DNTT: variants seen among roughly 807,000 people sequenced by gnomAD.
The protein encoded by DNTT is DNA nucleotidylexotransferase.
Under a neutral mutation model 60.9 loss-of-function variants are expected in DNTT, and 47 were observed. That is an observed-to-expected ratio of 0.77 (90% CI 0.61 to 0.98). The LOEUF is 0.98. Among genes scored for constraint, DNTT ranks in the 50% least tolerant of loss-of-function variants. The pLI, the probability that DNTT is intolerant of heterozygous loss-of-function variation, is 0.00. For missense variants in DNTT, 665 were observed against 627.5 expected, an observed-to-expected ratio of 1.06 and a Z score of -0.64; for synonymous variants, 224 against 221.2, an observed-to-expected ratio of 1.01 and a Z score of -0.11.
intron 8 of DNTT, among the ~76,000 whole-genome samples, chr10:96,331,221 C>T (rs1190511614): frequency 6.6e-6 from 1 of 152,188 alleles, no homozygotes; most frequent in Non-Finnish European, 1.5e-5. Context: ...AGTCATCTTG[C>T]CCCAAAGTTA....
chr10:96,316,898 G>A (rs933256111), intron 1 of DNTT, among the ~76,000 whole-genome samples: 8 of 151,860 alleles, frequency 5.3e-5, no homozygotes, highest in African/African-American at 1.7e-4. Flanking sequence ...TACCATCACC[G>A]CCACCACTAT....
intron 1 of DNTT, among the ~76,000 whole-genome samples, chr10:96,315,926 T>G (rs1264368398): frequency 6.6e-6 from 1 of 152,160 alleles, no homozygotes; most frequent in Non-Finnish European, 1.5e-5. Flanking sequence ...GTTATCCATC[T>G]TCCTTTAATT....
intron 10 of DNTT, 95 bp downstream of exon 10, chr10:96,336,069 G>A: frequency 8.2e-7 from 1 of 1,220,654 alleles, no homozygotes; most frequent in Non-Finnish European, 1.2e-6. Flanking sequence ...ATCCAGGTAT[G>A]GTTTCCTTTG....
At chr10:96,305,436 G>A (rs12774154) in intron 1 of DNTT, among the ~76,000 whole-genome samples, 15,747 of 152,140 alleles carry the variant, frequency 0.1, 886 homozygotes, top group South Asian at 0.15. Context: ...TCTAACTTCT[G>A]TGTAAGCTCT....
intron 9 of DNTT, among the ~76,000 whole-genome samples, chr10:96,334,352 C>T (rs767551653): frequency 2.6e-5 from 4 of 152,188 alleles, no homozygotes; most frequent in African/African-American, 9.7e-5. Flanking sequence ...CAAGCCAGCA[C>T]GTGGCCAGTA....
chr10:96,328,610 C>G, intron 7 of DNTT, 115 bp from the exon 8 acceptor site: 1 of 992,000 alleles, frequency 1.0e-6, no homozygotes, highest in Non-Finnish European at 1.5e-6. Context: ...AAAAAAAAGT[C>G]AAGAACCTTC....
At position 96,314,402 on chromosome 10, in the gene DNTT, C is replaced by CTTTTTT. The variant is rs869059822; in HGVS notation, c.204-3927_204-3922dup. Among the ~76,000 whole-genome samples, 86 of 53,220 alleles carry CTTTTTT rather than the reference C, an allele frequency of 1.6e-3. 18 individuals carry two copies. The highest frequency in any genetic ancestry group is 0.028 in the Middle Eastern group (1 of 36). The allele number at this position is 53,220 out of a possible 152,430, so 34.9% of individuals were successfully genotyped here. On this transcript the variant is annotated intron_variant, in intron 1 of 10. Coordinates refer to ENST00000371174, the MANE Select transcript of DNTT (RefSeq NM_004088.4). ...TAACATTTCCAAGGCTATCTCTTCC[C>CTTTTTT]TTTTTTTTTTTTTTTTTTTTTTTTT...
chr10:96,314,264 T>C (rs1443244014), intron 1 of DNTT, among the ~76,000 whole-genome samples: 1 of 152,070 alleles, frequency 6.6e-6, no homozygotes, highest in Non-Finnish European at 1.5e-5. Flanking sequence ...AGCAGCTCCC[T>C]CCTTTTCCAA....
intron 6 of DNTT, 103 bp from the exon 7 acceptor site, chr10:96,327,365 A>AGT: frequency 6.5e-7 from 1 of 1,528,128 alleles, no homozygotes; most frequent in Non-Finnish European, 9.0e-7. Context: ...TGATGCCTGT[A>AGT]GTCATGTTAG....
rs781345965 is a variant in DNTT at position 96,328,792 on chromosome 10, C to G, written c.1075C>G (p.Gln359Glu). 2.5e-6 allele frequency: 4 copies of G among 1,613,590 alleles called. No individual in the cohort carries two copies. Among genetic ancestry groups the G allele is most frequent in the Non-Finnish European group, 3.4e-6 (4 of 1,179,798 alleles). The change falls in exon 8 of 11, where the codon CAA becomes GAA. Residue 359 changes from glutamine (Q) to glutamate (E), a missense_variant. Coordinates refer to ENST00000371174, the MANE Select transcript of DNTT (RefSeq NM_004088.4). ...TSPGSTEDEE[Q>E]LLQKVMNLWE... ...CCCAGGATCAACAGAGGATGAAGAGCAACTTTTACAGAAAGTGATGAACTT... is the reference window on the plus strand; with the variant it reads ...CCCAGGATCAACAGAGGATGAAGAGGAACTTTTACAGAAAGTGATGAACTT...
Position 96,327,528 on chromosome 10 carries a change from G to T in DNTT, c.935G>T (p.Ser312Ile), listed in dbSNP as rs1016248771. Reference sequence around the variant, plus strand: ...ACCAGGGCAGAAGCAGAGGCCGTCAGTGTGCTGGTTAAAGAGGCTGTCTGG... The same window carrying T: ...ACCAGGGCAGAAGCAGAGGCCGTCATTGTGCTGGTTAAAGAGGCTGTCTGG... ...CVTRAEAEAV[S>I]VLVKEAVWAF... The change falls in exon 7 of 11, where the codon AGT (serine) becomes ATT (isoleucine). Residue 312 changes from serine to isoleucine, a missense_variant. By Grantham distance (142) the Ser-to-Ile change is moderately radical (BLOSUM62 -2). Transcript: ENST00000371174. 1 of 1,614,156 alleles carries T rather than the reference G, an allele frequency of 6.2e-7. No individual in the cohort carries two copies.
chr10:96,328,182 T>C (rs1589375507), intron 7 of DNTT, among the ~76,000 whole-genome samples: 1 of 152,238 alleles, frequency 6.6e-6, no homozygotes, highest in Non-Finnish European at 1.5e-5. Flanking sequence ...TATGTTGTTG[T>C]TGGATATTGA....
chr10:96,318,569 G>T lies in DNTT; in HGVS notation c.378+43G>T, dbSNP rs756952912. 17 of 1,597,542 alleles carry T rather than the reference G, an allele frequency of 1.1e-5. 1 individual carries two copies. Among genetic ancestry groups the T allele is most frequent in the South Asian group, 2.3e-5 (2 of 88,196 alleles). The stretch of plus-strand genomic sequence containing the variant: ...GATTTTCACTGTTCTTTGCTTGATG[G>T]TTAAGAACATAGGCTTAGGATCAAC... On this transcript the variant is annotated intron_variant, in intron 2 of 10. Coordinates refer to ENST00000371174, the MANE Select transcript of DNTT (RefSeq NM_004088.4).
intron 8 of DNTT, among the ~76,000 whole-genome samples, chr10:96,331,770 T>C (rs781486343): frequency 1.3e-5 from 2 of 152,136 alleles, no homozygotes; most frequent in Non-Finnish European, 2.9e-5. Flanking sequence ...ATATGATTTT[T>C]TAAGTTTTAT....
At chr10:96,319,143 T>G in intron 2 of DNTT, 119 bp from the exon 3 acceptor site, 4 of 1,144,816 alleles carry the variant, frequency 3.5e-6, no homozygotes, top group Non-Finnish European at 4.9e-6. Context: ...ATAACATAAA[T>G]TTTGAGTCTC....
intron 1 of DNTT, among the ~76,000 whole-genome samples, chr10:96,309,960 A>T (rs1844690351): frequency 6.6e-6 from 1 of 152,206 alleles, no homozygotes; most frequent in Non-Finnish European, 1.5e-5. Context: ...TCTTCCAAGG[A>T]TCTGAAAAAA....
intron 3 of DNTT, 132 bp from the exon 4 acceptor site, chr10:96,320,486 C>A: frequency 3.0e-6 from 3 of 986,220 alleles, no homozygotes; most frequent in Non-Finnish European, 3.0e-6. Context: ...GTATGGGAGA[C>A]CCCATCCTGA....
At chr10:96,318,949 T>C (rs944966310) in intron 2 of DNTT, among the ~76,000 whole-genome samples, 4 of 152,198 alleles carry the variant, frequency 2.6e-5, no homozygotes, top group Admixed American at 1.3e-4. Context: ...AACAAAAAGT[T>C]AAGCTCTCAA....
chr10:96,317,081 G>A (rs1844795461), intron 1 of DNTT, among the ~76,000 whole-genome samples: 1 of 152,182 alleles, frequency 6.6e-6, no homozygotes, highest in Non-Finnish European at 1.5e-5. Context: ...GTGTGCTCAT[G>A]CTATTGCTCA....
Sources: gnomAD v4.1 joint callset for allele counts (sites outside exome capture counted in the v4.1 genomes callset) on GRCh38, gnomAD v4.1.1 for gene constraint, MANE v1.5 for transcripts, NCBI Gene and HGNC (gene_info 2026-07-23, HGNC 2026-07-21) for gene names.